Variants in STON2 observed in about 807,000 individuals in gnomAD.
STON2 encodes stonin 2, also known as stonin-2.
A neutral mutation model predicts 65.7 loss-of-function variants in STON2; 29 were observed. The ratio of observed to expected loss-of-function variants is 0.44; its 90% confidence interval spans 0.33 to 0.60. The LOEUF is 0.60. Ranked by LOEUF, STON2 falls within the 20% of genes least tolerant of loss-of-function variation. STON2 has a pLI of 0.03. For synonymous variants in STON2, 404 were observed against 414.2 expected (o/e 0.98, Z 0.30); for missense variants, 1,054 against 1,118.1 (o/e 0.94, Z 0.82).
chr14:81,282,659 T>C (rs1276309125), intron 5 of STON2, among the ~76,000 whole-genome samples: 3 of 152,220 alleles, frequency 2.0e-5, no homozygotes, highest in Non-Finnish European at 4.4e-5. Flanking sequence ...ATTCGAAATC[T>C]GTATTCTTTC....
At chr14:81,332,310 C>A (rs1435421153) in intron 4 of STON2, among the ~76,000 whole-genome samples, 1 of 152,220 alleles carries the variant, frequency 6.6e-6, no homozygotes, top group Admixed American at 6.5e-5. Flanking sequence ...AAAGAAGTCA[C>A]ATTCGCATTT....
chr14:81,396,627 C>T (rs1900337097), intron 2 of STON2, among the ~76,000 whole-genome samples: 1 of 152,228 alleles, frequency 6.6e-6, no homozygotes, highest in Non-Finnish European at 1.5e-5. Flanking sequence ...CTAAGCTATA[C>T]ACAGCCACAG....
chr14:81,322,599 CAAT>C (rs1237770686), intron 5 of STON2, among the ~76,000 whole-genome samples: 2 of 152,134 alleles, frequency 1.3e-5, no homozygotes, highest in South Asian at 2.1e-4. Flanking sequence ...CTGGGCATGA[CAAT>C]GATGACGTAG....
chr14:81,328,702 T>C (rs908153525), intron 4 of STON2, among the ~76,000 whole-genome samples: 2 of 152,126 alleles, frequency 1.3e-5, no homozygotes, highest in African/African-American at 4.8e-5. Flanking sequence ...ATGGGGTGGA[T>C]GCCTCATGAA....
chr14:81,269,345 A>G, intron 7 of STON2: 1 of 985,420 alleles, frequency 1.0e-6, no homozygotes, highest in Non-Finnish European at 1.2e-6. Context: ...CTCCGAACTG[A>G]TAAATACTGG....
chr14:81,271,484 C>G (rs943775432), intron 6 of STON2, among the ~76,000 whole-genome samples: 1 of 152,200 alleles, frequency 6.6e-6, no homozygotes, highest in African/African-American at 2.4e-5. Context: ...TGCTAAGCAG[C>G]AGAGCTCCTG....
chr14:81,295,444 G>GA lies in STON2; in HGVS notation c.743-16706dup, dbSNP rs1491309601. 8.5e-5 allele frequency among the ~76,000 whole-genome samples: 13 copies of GA among 152,360 alleles called. 1 individual carries two copies. The East Asian group carries it at 2.5e-3, about 29-fold the overall frequency. On this transcript the variant is annotated intron_variant, in intron 5 of 7. Transcript: ENST00000614646. ...TCTATACCAACTATGGATCTGCGTT[G>GA]AGAGTCTTGGTTATGTATCAGATGA... is the stretch of plus-strand genomic sequence containing the variant.
chr14:81,311,983 T>C (rs915369560), intron 5 of STON2, among the ~76,000 whole-genome samples: 11 of 152,246 alleles, frequency 7.2e-5, no homozygotes, highest in Admixed American at 3.9e-4. Context: ...GGCATGTCTC[T>C]TCATCAGTAA....
In STON2 at chr14:81,319,913, G is replaced by T. The variant is rs796476284; in HGVS notation, c.742+4104C>A. Among the ~76,000 whole-genome samples, 3 of 152,102 alleles carry T rather than the reference G, an allele frequency of 2.0e-5. No individual in the cohort carries two copies. In the East Asian group the frequency reaches 5.8e-4, roughly 29 times the overall value. ...AATGACATTAATAGACCCCATAAGG[G>T]GACCATGTCCAGGGAACTACGTATC... On this transcript the variant is annotated intron_variant, in intron 5 of 7. Coordinates refer to ENST00000614646, the MANE Select transcript of STON2 (RefSeq NM_001394390.1).
chr14:81,268,515 T>C lies in STON2; in HGVS notation c.2785-18A>G. The C allele has an allele frequency of 7.8e-7, 1 of 1,289,410 alleles. No individual in the cohort carries two copies. Among genetic ancestry groups the C allele is most frequent in the Non-Finnish European group, 1.0e-6 (1 of 988,664 alleles). The allele number at this position is 1,289,410 out of a possible 1,614,324, so 79.9% of individuals were successfully genotyped here. On this transcript the variant is annotated intron_variant, in intron 7 of 7. Coordinates refer to ENST00000614646, the MANE Select transcript of STON2 (RefSeq NM_001394390.1). ...ATTTCCACCTGCCAAGAATAGAAGT[T>C]GGAGATAAAGATCAAAAAGAAGAGA...
At chr14:81,325,902 A>G (rs1896988883) in intron 4 of STON2, among the ~76,000 whole-genome samples, 1 of 152,166 alleles carries the variant, frequency 6.6e-6, no homozygotes, top group African/African-American at 2.4e-5. Flanking sequence ...CATGATTACA[A>G]TTGAATAGAT....
intron 4 of STON2, among the ~76,000 whole-genome samples, chr14:81,361,252 A>T (rs7146532): frequency 0.58 from 88,580 of 151,868 alleles, 28,329 homozygotes; most frequent in African/African-American, 0.85. Flanking sequence ...TACTTGAAAC[A>T]ATACTACAAG....
In STON2 at chr14:81,276,968, A is replaced by T. The variant is rs754215866; in HGVS notation, c.2514T>A (p.Thr838=). ...AGTTGAAGGCATGCTCGTACTTGGCAGTTCCCAGAGTTACTCTCATGACAG... is the reference window on the plus strand; with the variant it reads ...AGTTGAAGGCATGCTCGTACTTGGCTGTTCCCAGAGTTACTCTCATGACAG... ...SEPVMRVTLG[T]AKYEHAFNSI... Residue 838 remains threonine (T), a synonymous_variant, in exon 6 of 8, where the codon ACT becomes ACA. Coordinates refer to ENST00000614646, the MANE Select transcript of STON2 (RefSeq NM_001394390.1). 1.7e-5 allele frequency: 27 copies of T among 1,614,120 alleles called. No individual in the cohort carries two copies. Among genetic ancestry groups the T allele is most frequent in the Admixed American group, 1.7e-4 (10 of 60,004 alleles).
intron 3 of STON2, 85 bp from the exon 4 acceptor site, chr14:81,371,270 CT>C: frequency 8.0e-7 from 1 of 1,256,490 alleles, no homozygotes; most frequent in Non-Finnish European, 1.1e-6. Flanking sequence ...TTTGATGTTG[CT>C]CACATCATAT....
In STON2 at chr14:81,413,864, G is replaced by A. The variant is rs1401369923; in HGVS notation, c.-199+13238C>T. On this transcript the variant is annotated intron_variant, in intron 2 of 8. Transcript: ENST00000553821. Reference sequence around the variant, plus strand: ...GTGAAGAAAACAAAGCTTTCTCACTGTTGTAATTTAAAATATTAGCAACAT... The same window carrying A: ...GTGAAGAAAACAAAGCTTTCTCACTATTGTAATTTAAAATATTAGCAACAT... Among the ~76,000 whole-genome samples the A allele has an allele frequency of 4.3e-5, 6 of 140,084 alleles. 1 individual carries two copies. Among genetic ancestry groups the A allele is most frequent in the Non-Finnish European group, 7.5e-5 (5 of 67,000 alleles). 91.9% of individuals were successfully genotyped at this position (140,084 alleles called of 152,430 possible). A position where few individuals can be genotyped will look rare whatever the true frequency, so the allele number is the denominator to read the frequency against.
upstream of STON2, among the ~76,000 whole-genome samples, chr14:81,403,759 C>A (rs530883126): frequency 1.5e-4 from 23 of 152,270 alleles, no homozygotes; most frequent in East Asian, 1.2e-3. Context: ...GAATAGACTT[C>A]TTTCCTGCTT....
intron 3 of STON2, among the ~76,000 whole-genome samples, chr14:81,381,244 G>A (rs539124332): frequency 3.3e-5 from 5 of 152,166 alleles, no homozygotes; most frequent in African/African-American, 1.2e-4. Context: ...CATTTTAGAA[G>A]ACAATATAGC....
At chr14:81,335,880 C>T (rs748553355) in intron 4 of STON2, among the ~76,000 whole-genome samples, 1 of 152,028 alleles carries the variant, frequency 6.6e-6, no homozygotes, top group Non-Finnish European at 1.5e-5. Flanking sequence ...GAGAGAGAGA[C>T]AGACAGATAT....
chr14:81,289,588 T>G (rs1895474905), intron 5 of STON2, among the ~76,000 whole-genome samples: 1 of 152,158 alleles, frequency 6.6e-6, no homozygotes, highest in South Asian at 2.1e-4. Flanking sequence ...CTTATTTACT[T>G]ATGTTGACCA....
Sources: gnomAD v4.1 joint callset for allele counts (sites outside exome capture counted in the v4.1 genomes callset) on GRCh38, gnomAD v4.1.1 for gene constraint, MANE v1.5 for transcripts, NCBI Gene and HGNC (gene_info 2026-07-23, HGNC 2026-07-21) for gene names.